Variants in MYBPC3 observed in about 807,000 individuals in gnomAD.
MYBPC3 encodes myosin-binding protein C, cardiac-type.
A neutral mutation model predicts 159.3 loss-of-function variants in MYBPC3; 108 were observed. The observed-to-expected ratio is 0.68, with a 90% CI of 0.58 to 0.80. MYBPC3 has a LOEUF of 0.80. MYBPC3 is among the 30% of genes least tolerant of loss of function. The pLI is 0.00. For missense variants in MYBPC3, 1,631 were observed against 1,762.1 expected (o/e 0.93, Z 1.33); for synonymous variants, 730 against 702.0 (o/e 1.04, Z -0.63).
chr11:47,351,176 G>A lies in MYBPC3; in HGVS notation c.292+63C>T, dbSNP rs551921164. On this transcript the variant is annotated intron_variant, in intron 2 of 34. Transcript: ENST00000545968. The surrounding 1 kb of genome is among the most constrained non-coding windows in gnomAD (Gnocchi z 4.2). Reference sequence around the variant, plus strand: ...ACCTCCTGTTCCCTGGATGGATGGAGAGTCGCTGGGCTGCCCCTCCCCCAG... The same window carrying A: ...ACCTCCTGTTCCCTGGATGGATGGAAAGTCGCTGGGCTGCCCCTCCCCCAG... The A allele has an allele frequency of 1.3e-5, 19 of 1,443,140 alleles. No homozygotes were observed. The African/African-American group carries it at 2.3e-4, about 17-fold the overall frequency. 89.4% of individuals were successfully genotyped at this position (1,443,140 alleles called of 1,614,324 possible).
At position 47,343,147 on chromosome 11, in the gene MYBPC3, T is replaced by C. The variant is rs730880531; in HGVS notation, c.1227-2A>G. ...GCACCGATGGACTCAAAGATGTACC[T>C]GGGTGGGGGCCGCAGGGAAGTGGCA... On this transcript the variant is annotated splice_acceptor_variant, in intron 14 of 34. Transcript: ENST00000545968. LOFTEE classifies it high-confidence loss of function. The C allele has an allele frequency of 1.9e-6, 3 of 1,610,256 alleles. No homozygotes were observed. Among genetic ancestry groups the C allele is most frequent in the East Asian group, 2.2e-5 (1 of 44,760 alleles).
chr11:47,346,757 G>T lies in MYBPC3; in HGVS notation c.909-113C>A. On this transcript the variant is annotated intron_variant, in intron 10 of 34. Transcript: ENST00000545968. The surrounding 1 kb of genome is among the most constrained non-coding windows in gnomAD (Gnocchi z 5.3). ...GGCCTTTACTTCCTCCCTATTTTCC[G>T]CACTTGCACTCCCTGTGTTGTGGGG... 8.7e-7 allele frequency: 1 copy of T among 1,153,320 alleles called. No individual in the cohort carries two copies. The highest frequency in any genetic ancestry group is 1.2e-6 in the Non-Finnish European group (1 of 818,450). The allele number at this position is 1,153,320 out of a possible 1,614,324, so 71.4% of individuals were successfully genotyped here. A position where few individuals can be genotyped will look rare whatever the true frequency, so the allele number is the denominator to read the frequency against.
rs730880587 is a variant in MYBPC3, at chr11:47,333,661, A to T, written c.3086T>A (p.Ile1029Asn). 1.9e-6 allele frequency: 3 copies of T among 1,610,974 alleles called. No individual in the cohort carries two copies. Among genetic ancestry groups the T allele is most frequent in the Non-Finnish European group, 2.5e-6 (3 of 1,179,826 alleles). ...GCGGCGAGCGGCCCGGATGAACAGGATGGTGTCTGTGGGGCTGTTGCGGAT... is the reference window on the plus strand; with the variant it reads ...GCGGCGAGCGGCCCGGATGAACAGGTTGGTGTCTGTGGGGCTGTTGCGGAT... ...VSIRNSPTDT[I>N]LFIRAARRVH... The change falls in exon 29 of 35, where the codon ATC (isoleucine) becomes AAC (asparagine). Residue 1029 changes from isoleucine (I) to asparagine (N), a missense_variant. Coordinates refer to ENST00000545968, the MANE Select transcript of MYBPC3 (RefSeq NM_000256.3).
In MYBPC3 at chr11:47,348,411, A is replaced by C; in HGVS notation, c.772+13T>G. On this transcript the variant is annotated intron_variant, in intron 6 of 34. Transcript: ENST00000545968. ...GGAGCCCGAGCCCAGGACAGACACC[A>C]GGGCCCCCTCACCGTGGACAGTGAG... The C allele has an allele frequency of 2.0e-4, 294 of 1,500,408 alleles. No individual in the cohort carries two copies. The highest frequency in any genetic ancestry group is 2.5e-4 in the Non-Finnish European group (274 of 1,080,656). 92.9% of individuals were successfully genotyped at this position (1,500,408 alleles called of 1,614,324 possible). A position where few individuals can be genotyped will look rare whatever the true frequency, so the allele number is the denominator to read the frequency against.
chr11:47,331,844 C>A lies in MYBPC3; in HGVS notation c.*26+1G>T. The A allele has an allele frequency of 6.2e-7, 1 of 1,605,674 alleles. No homozygotes were observed. Among genetic ancestry groups the A allele is most frequent in the South Asian group, 1.1e-5 (1 of 89,470 alleles). On this transcript the variant is annotated splice_donor_variant, in intron 34 of 34. Coordinates refer to ENST00000545968, the MANE Select transcript of MYBPC3 (RefSeq NM_000256.3). LOFTEE classifies it low-confidence loss of function (3UTR_SPLICE). ...TGCCCTGGGTGTCGGGTGGTACATACCTGGCCATCCCCAGGAGCCAGCCTG... is the reference window on the plus strand; with the variant it reads ...TGCCCTGGGTGTCGGGTGGTACATAACTGGCCATCCCCAGGAGCCAGCCTG...
intron 9 of MYBPC3, 72 bp from the exon 10 acceptor site, chr11:47,347,101 G>A (rs998121284): frequency 2.9e-6 from 3 of 1,046,442 alleles, no homozygotes; most frequent in African/African-American, 3.1e-5. Context: ...GAGAACATAA[G>A]TCAGTTGGGC....
Position 47,341,183 on chromosome 11 carries a change from G to T in MYBPC3, c.1852C>A (p.Pro618Thr). Residue 618 changes from proline to threonine, a missense_variant, in exon 19 of 35, where the codon CCC becomes ACC. Pro to Thr is a conservative substitution (Grantham distance 38). Coordinates refer to ENST00000545968, the MANE Select transcript of MYBPC3 (RefSeq NM_000256.3). ...GACAGGTTGCAGGCGAAGCCCTCGG[G>T]CACAAAGCTGTAGTCAGCCTCGTCG... The part of the protein sequence containing the change: ...PADEADYSFV[P>T]EGFACNLSAK... 1 of 1,594,778 alleles carries T rather than the reference G, an allele frequency of 6.3e-7. No homozygotes were observed. The highest frequency in any genetic ancestry group is 8.5e-7 in the Non-Finnish European group (1 of 1,170,992).
rs1356431718 is a variant in MYBPC3 at position 47,346,287 on chromosome 11, G to A, written c.1010C>T (p.Ala337Val). ...CAGGTCAGTGACGCCGTACTGGAAG[G>A]CGATGCGCTCGTACTCAGATGGGGG... ...QAPPSEYERI[A>V]FQYGVTDLRG... Residue 337 changes from alanine (A) to valine (V), a missense_variant, in exon 12 of 35, where the codon GCC becomes GTC. Coordinates refer to ENST00000545968, the MANE Select transcript of MYBPC3 (RefSeq NM_000256.3). The surrounding 1 kb of genome is among the most constrained non-coding windows in gnomAD (Gnocchi z 5.3). 6.2e-7 allele frequency: 1 copy of A among 1,613,774 alleles called. No individual in the cohort carries two copies.
At position 47,332,435 on chromosome 11, in the gene MYBPC3, G is replaced by A. The variant is rs1181350652; in HGVS notation, c.3627+131C>T. On this transcript the variant is annotated intron_variant, in intron 32 of 34. Coordinates refer to ENST00000545968, the MANE Select transcript of MYBPC3 (RefSeq NM_000256.3). This position sits in a 1 kb window ranked among gnomAD's most constrained non-coding sequence, Gnocchi z 4.2. ...TGAGTACCATGGCCCTGCCCAGGGG[G>A]AGGAACCCGGTCCATACACCCCAAG... 4 of 1,453,196 alleles carry A rather than the reference G, an allele frequency of 2.8e-6. No individual in the cohort carries two copies. The African/African-American group carries it at 4.2e-5, about 15-fold the overall frequency. The allele number at this position is 1,453,196 out of a possible 1,614,324, so 90.0% of individuals were successfully genotyped here.
rs2095885730 is a variant in MYBPC3, at chr11:47,339,234, T to C, written c.2148+90A>G. The C allele has an allele frequency of 2.1e-6, 3 of 1,421,920 alleles. No individual in the cohort carries two copies. In the Admixed American group the frequency reaches 5.0e-5, roughly 24 times the overall value. The allele number at this position is 1,421,920 out of a possible 1,614,324, so 88.1% of individuals were successfully genotyped here. A position where few individuals can be genotyped will look rare whatever the true frequency, so the allele number is the denominator to read the frequency against. On this transcript the variant is annotated intron_variant, in intron 22 of 34. Coordinates refer to ENST00000545968, the MANE Select transcript of MYBPC3 (RefSeq NM_000256.3). ...AACACACCCGGCCAAGTGTGGCACC[T>C]CCATGGAGACCTCGCCAAGGGCTCG...
Position 47,346,073 on chromosome 11 carries a change from T to C in MYBPC3, c.1090+134A>G, listed in dbSNP as rs2095893714. 9 of 1,253,000 alleles carry C rather than the reference T, an allele frequency of 7.2e-6. No individual in the cohort carries two copies. The highest frequency in any genetic ancestry group is 9.8e-6 in the Non-Finnish European group (9 of 918,272). 77.6% of individuals were successfully genotyped at this position (1,253,000 alleles called of 1,614,324 possible). On this transcript the variant is annotated intron_variant, in intron 12 of 34. Transcript: ENST00000545968. The surrounding 1 kb of genome is among the most constrained non-coding windows in gnomAD (Gnocchi z 5.3). ...AGCCGGACTCCGCTCTTTCCATGTA[T>C]GTGGACGAGGTGGGGGGCTAACCTG...
chr11:47,339,518 G>C (rs2095886098), intron 21 of MYBPC3, 114 bp from the exon 22 acceptor site: 1 of 1,494,798 alleles, frequency 6.7e-7, no homozygotes, highest in Non-Finnish European at 9.2e-7. Context: ...CCTGCCCCCT[G>C]ACCAGTCTCT....
At position 47,346,900 on chromosome 11, in the gene MYBPC3, C is replaced by A. The variant is rs917411346; in HGVS notation, c.908+127G>T. The A allele has an allele frequency of 2.7e-6, 2 of 728,506 alleles. No homozygotes were observed. Among genetic ancestry groups the A allele is most frequent in the Non-Finnish European group, 5.0e-6 (2 of 401,538 alleles). The allele number at this position is 728,506 out of a possible 1,614,324, so 45.1% of individuals were successfully genotyped here. ...GAGAAGCCCAAGGCACAGAGACTCA[C>A]CCCTGTCCGTGGGGAGCCGCACCCT... On this transcript the variant is annotated intron_variant, in intron 10 of 34. Coordinates refer to ENST00000545968, the MANE Select transcript of MYBPC3 (RefSeq NM_000256.3). This position sits in a 1 kb window ranked among gnomAD's most constrained non-coding sequence, Gnocchi z 5.3.
At chr11:47,340,690 A>C (rs963357031) in intron 20 of MYBPC3, among the ~76,000 whole-genome samples, 7 of 152,042 alleles carry the variant, frequency 4.6e-5, no homozygotes, top group Non-Finnish European at 1.0e-4. Flanking sequence ...ATAAAAAAAA[A>C]GGAAGAAGAA....
chr11:47,347,985 T>G lies in MYBPC3; in HGVS notation c.773-80A>C. On this transcript the variant is annotated intron_variant, in intron 6 of 34. Transcript: ENST00000545968. Reference sequence around the variant, plus strand: ...GAAGCCCTGCCCTGGGGGCGGCCTCTGAGTATTCACAGACTTGCCCATTCA... The same window carrying G: ...GAAGCCCTGCCCTGGGGGCGGCCTCGGAGTATTCACAGACTTGCCCATTCA... The G allele has an allele frequency of 8.1e-6, 11 of 1,364,898 alleles. No homozygotes were observed. The South Asian group carries it at 1.4e-4, about 17-fold the overall frequency. 84.5% of individuals were successfully genotyped at this position (1,364,898 alleles called of 1,614,324 possible).
Position 47,338,656 on chromosome 11 carries a change from C to T in MYBPC3, c.2172G>A (p.Arg724=). Residue 724 remains arginine (R), a synonymous_variant, in exon 23 of 35, where the codon CGG becomes CGA. Transcript: ENST00000545968. The surrounding 1 kb of genome is among the most constrained non-coding windows in gnomAD (Gnocchi z 4.7). ...DKKLLCETEG[R]VRVETTKDRS... is the part of the protein sequence containing the mutation. The stretch of plus-strand genomic sequence containing the variant: ...GGTCCTTGGTGGTCTCCACGCGGAC[C>T]CGGCCCTCGGTCTCACACAGCAGCT... 6.2e-7 allele frequency: 1 copy of T among 1,613,276 alleles called. No homozygotes were observed. Among genetic ancestry groups the T allele is most frequent in the Non-Finnish European group, 8.5e-7 (1 of 1,179,604 alleles).
rs760572113 is a variant in MYBPC3, at chr11:47,352,693, A to C, written c.-46T>G. 1.3e-6 allele frequency: 2 copies of C among 1,540,368 alleles called. No individual in the cohort carries two copies. Among genetic ancestry groups the C allele is most frequent in the Non-Finnish European group, 1.7e-6 (2 of 1,145,172 alleles). On this transcript the variant is annotated 5_prime_UTR_variant, in exon 1 of 35. Coordinates refer to ENST00000545968, the MANE Select transcript of MYBPC3 (RefSeq NM_000256.3). ...GCACGAAGCAGGCACAGGTCACCCA[A>C]AGAGGGACTGAGTGGGGTCCTGTCC... is the stretch of plus-strand genomic sequence containing the variant.
Position 47,352,702 on chromosome 11 carries a change from T to C in MYBPC3, c.-55A>G. 3 of 1,516,740 alleles carry C rather than the reference T, an allele frequency of 2.0e-6. No homozygotes were observed. The South Asian group carries it at 3.9e-5, about 20-fold the overall frequency. 94.0% of individuals were successfully genotyped at this position (1,516,740 alleles called of 1,614,324 possible). ...AGGCACAGGTCACCCAAAGAGGGAC[T>C]GAGTGGGGTCCTGTCCTTCCCACTA... On this transcript the variant is annotated 5_prime_UTR_variant, in exon 1 of 35. Transcript: ENST00000545968.
chr11:47,345,235 G>A (rs1347404888), intron 12 of MYBPC3, among the ~76,000 whole-genome samples: 1 of 152,182 alleles, frequency 6.6e-6, no homozygotes, highest in African/African-American at 2.4e-5. Flanking sequence ...AGCAGTTCAG[G>A]AGTTAACCCA....
Sources: allele counts gnomAD v4.1 joint callset (sites outside exome capture counted in the v4.1 genomes callset), GRCh38; gene constraint gnomAD v4.1.1; non-coding constraint Gnocchi (gnomAD v3.1); transcripts MANE v1.5; gene names NCBI Gene and HGNC (gene_info 2026-07-23, HGNC 2026-07-21).